Variants in ZBED6 observed in about 807,000 individuals in gnomAD.
ZBED6 encodes the protein zinc finger BED-type containing 6, also known as zinc finger BED domain-containing protein 6.
Under a neutral mutation model 58.4 loss-of-function variants are expected in ZBED6, and 40 were observed. The ratio of observed to expected loss-of-function variants is 0.68; its 90% CI spans 0.53 to 0.89. The LOEUF is 0.89. Ranked by LOEUF, ZBED6 falls within the 40% of genes least tolerant of loss-of-function variation. The probability of loss-of-function intolerance (pLI) is 0.00; values close to 1 mark genes in which losing one functional copy is unlikely to be tolerated. For missense variants in ZBED6, 1,057 were observed against 1,003.9 expected, an observed-to-expected ratio of 1.05 and a Z score of -0.71; for synonymous variants, 439 against 350.6, an observed-to-expected ratio of 1.25 and a Z score of -2.82.
At chr1:203,835,806 G>T in intron 9 of ZBED6, 1 of 242,114 alleles carries the variant, frequency 4.1e-6, no homozygotes, top group Non-Finnish European at 9.2e-6. Context: ...TGTTTCATCT[G>T]GGGCATAAAC....
chr1:203,833,764 A>G (rs199939934), intron 8 of ZBED6, 27 bp from the exon 9 acceptor site: 2 of 1,601,542 alleles, frequency 1.2e-6, no homozygotes, highest in East Asian at 2.3e-5. Context: ...GACTAAGGAT[A>G]GAGAAATTCT....
At chr1:203,828,822 T>C (rs1289975091) in intron 4 of ZBED6, among the ~76,000 whole-genome samples, 1 of 152,224 alleles carries the variant, frequency 6.6e-6, no homozygotes, top group African/African-American at 2.4e-5. Context: ...TGCTATAGAA[T>C]TGAGTAGTTG....
At chr1:203,801,778 T>TC (rs1670602949) in exon 1 of ZBED6, 1 of 152,050 alleles carries the variant, frequency 6.6e-6, no homozygotes, top group Non-Finnish European at 1.5e-5. Flanking sequence ...AGTTTAGAAC[T>TC]CATTTCTATG....
chr1:203,809,172 GTTTTT>G (rs33926996), intron 1 of ZBED6, among the ~76,000 whole-genome samples: 5 of 83,248 alleles, frequency 6.0e-5, no homozygotes, highest in Non-Finnish European at 8.3e-5. Flanking sequence ...TCTTCTCACT[GTTTTT>G]TTTTTTTTTT....
intron 1 of ZBED6, among the ~76,000 whole-genome samples, chr1:203,807,815 C>T (rs1386046553): frequency 6.6e-6 from 1 of 152,132 alleles, no homozygotes; most frequent in Non-Finnish European, 1.5e-5. Context: ...AGTCACGGCT[C>T]ACTGCAGCCT....
At chr1:203,812,631 G>A (rs1313344072) in intron 1 of ZBED6, among the ~76,000 whole-genome samples, 1 of 136,776 alleles carries the variant, frequency 7.3e-6, no homozygotes, top group Non-Finnish European at 1.5e-5. Context: ...GCCCAGGCTG[G>A]AGTATAGTGG....
chr1:203,841,797 C>T (rs2103270398), intron 11 of ZBED6, among the ~76,000 whole-genome samples: 1 of 150,022 alleles, frequency 6.7e-6, no homozygotes, highest in East Asian at 2.0e-4. Flanking sequence ...CCACCTCCCT[C>T]CCGGACGGGG....
intron 3 of ZBED6, among the ~76,000 whole-genome samples, chr1:203,819,953 C>T (rs1248127072): frequency 2.0e-5 from 3 of 151,606 alleles, no homozygotes; most frequent in Non-Finnish European, 4.4e-5. Context: ...AGAGCAAGTC[C>T]AGGCTGGGCT....
exon 2 of ZBED6, chr1:203,816,955 C>T (rs1572055318): frequency 3.3e-6 from 2 of 607,176 alleles, no homozygotes; most frequent in East Asian, 5.9e-5. Context: ...TTTCTGTGAT[C>T]AAGTTGTCAT....
intron 14 of ZBED6, 77 bp downstream of exon 14, chr1:203,850,103 C>T (rs1688907932): frequency 4.4e-6 from 6 of 1,364,694 alleles, no homozygotes; most frequent in Non-Finnish European, 5.0e-6. Context: ...CAGTAACTTC[C>T]TGGCAACAAT....
At chr1:203,819,506 G>A (rs1677684194) in intron 3 of ZBED6, among the ~76,000 whole-genome samples, 2 of 147,324 alleles carry the variant, frequency 1.4e-5, no homozygotes, top group Non-Finnish European at 3.0e-5. Context: ...ACATGCGTGA[G>A]CCACCGTGCC....
At chr1:203,800,291 C>A in exon 1 of ZBED6, 1 of 918,954 alleles carries the variant, frequency 1.1e-6, no homozygotes, top group Non-Finnish European at 1.7e-6. Context: ...CTAAAAATAG[C>A]CACTTTCATC....
intron 11 of ZBED6, among the ~76,000 whole-genome samples, chr1:203,842,182 A>T (rs1686558445): frequency 6.6e-6 from 1 of 151,828 alleles, no homozygotes; most frequent in Non-Finnish European, 1.5e-5. Flanking sequence ...GACGCTCCTC[A>T]CTTCCCAGAC....
In ZBED6 at chr1:203,812,578, A is replaced by ATTTTT. The variant is rs386369376; in HGVS notation, c.*2555-4331_*2555-4327dup. Reference sequence around the variant, plus strand: ...GTATTTTGGATTTTAGCCATTCTAAATTTTTTTTTTTTTTTTTTTTTGAGA... The same window carrying ATTTTT: ...GTATTTTGGATTTTAGCCATTCTAAATTTTTTTTTTTTTTTTTTTTTTTTTTGAGA... On this transcript the variant is annotated intron_variant, in intron 1 of 16. Coordinates refer to ENST00000550078, the Ensembl canonical transcript of ZBED6. 2.7e-4 allele frequency among the ~76,000 whole-genome samples: 30 copies of ATTTTT among 109,306 alleles called. 1 individual carries two copies. Among genetic ancestry groups the ATTTTT allele is most frequent in the Admixed American group, 5.3e-4 (5 of 9,398 alleles). The allele number at this position is 109,306 out of a possible 152,430, so 71.7% of individuals were successfully genotyped here.
intron 1 of ZBED6, among the ~76,000 whole-genome samples, chr1:203,811,548 G>T (rs1297879367): frequency 6.6e-6 from 1 of 151,924 alleles, no homozygotes; most frequent in Non-Finnish European, 1.5e-5. Context: ...TTGCTCTGTT[G>T]CCTAGTCTGG....
At chr1:203,828,193 C>A (rs968007472) in intron 3 of ZBED6, 106 bp from the exon 4 acceptor site, 5 of 1,331,690 alleles carry the variant, frequency 3.8e-6, no homozygotes, top group African/African-American at 2.9e-5. Flanking sequence ...ATCTCACATG[C>A]CTCGGATTTT....
chr1:203,817,703 C>T (rs1229766389), intron 2 of ZBED6, among the ~76,000 whole-genome samples: 1 of 151,890 alleles, frequency 6.6e-6, no homozygotes, highest in Non-Finnish European at 1.5e-5. Flanking sequence ...ATGACTAATT[C>T]TATAAACGTA....
chr1:203,822,042 C>T (rs1254021151), intron 3 of ZBED6, among the ~76,000 whole-genome samples: 1 of 152,042 alleles, frequency 6.6e-6, no homozygotes, highest in Non-Finnish European at 1.5e-5. Flanking sequence ...CAGGTGTGAG[C>T]CACCGTGCCT....
At chr1:203,837,826 TA>T in intron 9 of ZBED6, 139 bp from the exon 10 acceptor site, 1 of 766,060 alleles carries the variant, frequency 1.3e-6, no homozygotes, top group Non-Finnish European at 2.1e-6. Flanking sequence ...CATTGAACTC[TA>T]AGGAAGCTGG....
Sources: gnomAD v4.1 joint callset for allele counts (sites outside exome capture counted in the v4.1 genomes callset) on GRCh38, gnomAD v4.1.1 for gene constraint, MANE v1.5 for transcripts, NCBI Gene and HGNC (gene_info 2026-07-23, HGNC 2026-07-21) for gene names.